Variants in ZFAND3 observed in about 807,000 individuals in gnomAD.
The protein encoded by ZFAND3 is AN1-type zinc finger protein 3.
ZFAND3 carries 10 observed loss-of-function variants against 29.6 expected under a neutral mutation model. That is an observed-to-expected ratio of 0.34 (90% confidence interval 0.21 to 0.57). ZFAND3 has a LOEUF of 0.57. Ranked by LOEUF, ZFAND3 falls within the 20% of genes least tolerant of loss-of-function variation. The pLI, the probability that ZFAND3 is intolerant of heterozygous loss-of-function variation, is 0.86. For synonymous variants in ZFAND3, 128 were observed against 112.6 expected (o/e 1.14, Z -0.87); for missense variants, 230 against 304.5 (o/e 0.76, Z 1.82).
intron 5 of ZFAND3, among the ~76,000 whole-genome samples, chr6:38,147,559 A>G (rs537779956): frequency 2.0e-5 from 3 of 152,224 alleles, no homozygotes; most frequent in Non-Finnish European, 4.4e-5. Flanking sequence ...AGAAATTTCC[A>G]TAGCGGTTTC....
chr6:37,946,934 AAAAGCTCTGGAGATGGATGTT>A (rs1453559637), intron 2 of ZFAND3, among the ~76,000 whole-genome samples: 11 of 152,284 alleles, frequency 7.2e-5, no homozygotes, highest in South Asian at 6.2e-4. Flanking sequence ...GAAGATGAAA[AAAAGCTCTGGAGATGGATGTT>A]AAAGCTCTGG....
chr6:38,098,161 G>C (rs763549334), intron 4 of ZFAND3, among the ~76,000 whole-genome samples: 2 of 152,080 alleles, frequency 1.3e-5, no homozygotes, highest in Non-Finnish European at 2.9e-5. Context: ...TGTTGGGCTT[G>C]AGTGATTCTC....
intron 2 of ZFAND3, among the ~76,000 whole-genome samples, chr6:38,046,250 G>T (rs546606276): frequency 6.6e-6 from 1 of 152,206 alleles, no homozygotes; most frequent in Admixed American, 6.5e-5. Context: ...TGGAATAAGA[G>T]TAAGAGATAA....
chr6:38,014,330 A>T (rs1022510817), intron 2 of ZFAND3, among the ~76,000 whole-genome samples: 33 of 150,838 alleles, frequency 2.2e-4, no homozygotes, highest in African/African-American at 6.1e-4. Flanking sequence ...TATTATTATT[A>T]TTTTTTTTTT....
At chr6:37,900,670 C>A (rs1019002916) in intron 1 of ZFAND3, among the ~76,000 whole-genome samples, 1 of 152,074 alleles carries the variant, frequency 6.6e-6, no homozygotes, top group African/African-American at 2.4e-5. Flanking sequence ...ATACTTGTCA[C>A]AGGTCTGTTA....
chr6:37,997,673 T>A (rs1230886665), intron 2 of ZFAND3, among the ~76,000 whole-genome samples: 1 of 152,208 alleles, frequency 6.6e-6, no homozygotes, highest in Non-Finnish European at 1.5e-5. Context: ...CTGGAGGTGC[T>A]TTGCTTTCCT....
intron 5 of ZFAND3, among the ~76,000 whole-genome samples, chr6:38,130,456 G>C (rs563305917): frequency 6.6e-6 from 1 of 152,192 alleles, no homozygotes; most frequent in Non-Finnish European, 1.5e-5. Context: ...GCTTGTCATA[G>C]ATGGCTTTTA....
At chr6:37,854,772 C>T (rs1021496840) in intron 1 of ZFAND3, among the ~76,000 whole-genome samples, 1 of 141,776 alleles carries the variant, frequency 7.1e-6, no homozygotes, top group Non-Finnish European at 1.5e-5. Flanking sequence ...ATGCCCCCCC[C>T]CCCCTTTTTT....
intron 3 of ZFAND3, among the ~76,000 whole-genome samples, chr6:38,075,009 C>T (rs954468682): frequency 5.3e-5 from 8 of 152,120 alleles, no homozygotes; most frequent in African/African-American, 1.9e-4. Context: ...AAAAAGATTC[C>T]TTTCAAAATA....
At chr6:38,005,944 G>A (rs143685337) in intron 2 of ZFAND3, among the ~76,000 whole-genome samples, 123 of 152,208 alleles carry the variant, frequency 8.1e-4, no homozygotes, top group African/African-American at 2.8e-3. Flanking sequence ...AAAGTTCTTA[G>A]TTAGGTAACC....
intron 2 of ZFAND3, among the ~76,000 whole-genome samples, chr6:37,959,993 T>C (rs1762165017): frequency 6.6e-6 from 1 of 152,238 alleles, no homozygotes; most frequent in Non-Finnish European, 1.5e-5. Flanking sequence ...TACTACTTGC[T>C]CTCAAAATCC....
At chr6:38,062,470 C>T (rs569897773) in intron 3 of ZFAND3, 3 of 152,102 alleles carry the variant, frequency 2.0e-5, no homozygotes, top group African/African-American at 4.8e-5. Flanking sequence ...GCAACCTCTA[C>T]CTCCTGGGTT....
At chr6:38,060,505 C>G (rs1289762141) in intron 2 of ZFAND3, among the ~76,000 whole-genome samples, 2 of 150,118 alleles carry the variant, frequency 1.3e-5, no homozygotes, top group African/African-American at 4.9e-5. Context: ...GTCCTCCCTT[C>G]CCCTTGCCCT....
At chr6:37,868,320 A>C (rs1370959228) in intron 1 of ZFAND3, among the ~76,000 whole-genome samples, 1 of 152,168 alleles carries the variant, frequency 6.6e-6, no homozygotes, top group Non-Finnish European at 1.5e-5. Context: ...ATGCAGTGGG[A>C]GTGTAGAGAG....
intron 1 of ZFAND3, among the ~76,000 whole-genome samples, chr6:37,893,629 C>G (rs557030720): frequency 2.4e-4 from 36 of 152,292 alleles, no homozygotes; most frequent in Admixed American, 8.5e-4. Flanking sequence ...TCTCGGCTCA[C>G]TGCAACCTCT....
intron 3 of ZFAND3, among the ~76,000 whole-genome samples, chr6:38,081,935 C>T (rs1440873332): frequency 6.6e-6 from 1 of 151,964 alleles, no homozygotes; most frequent in Non-Finnish European, 1.5e-5. Context: ...TCTTAAGGCC[C>T]CCTCCCCTTA....
At chr6:37,882,363 C>A (rs1248814680) in intron 1 of ZFAND3, among the ~76,000 whole-genome samples, 1 of 152,016 alleles carries the variant, frequency 6.6e-6, no homozygotes, top group Non-Finnish European at 1.5e-5. Flanking sequence ...ATATAGCCGC[C>A]CCCCCAATTC....
chr6:37,854,974 T>G (rs189228184), intron 1 of ZFAND3, among the ~76,000 whole-genome samples: 2 of 137,944 alleles, frequency 1.4e-5, no homozygotes, highest in African/African-American at 3.0e-5. Context: ...GTTTTTTTTT[T>G]TTTTTTTTTT....
intron 1 of ZFAND3, among the ~76,000 whole-genome samples, chr6:37,849,782 A>C (rs1764249984): frequency 6.6e-6 from 1 of 152,224 alleles, no homozygotes; most frequent in Admixed American, 6.5e-5. Flanking sequence ...AATGTCCTAA[A>C]GGGCAGCAGA....
Sources: gnomAD v4.1 joint callset for allele counts (sites outside exome capture counted in the v4.1 genomes callset) on GRCh38, gnomAD v4.1.1 for gene constraint, MANE v1.5 for transcripts, NCBI Gene and HGNC (gene_info 2026-07-23, HGNC 2026-07-21) for gene names.